CECR2: variants seen among roughly 807,000 people sequenced by gnomAD.
CECR2 encodes the protein CECR2 histone acetyl-lysine reader, also known as chromatin remodeling regulator CECR2.
A neutral mutation model predicts 154.5 loss-of-function variants in CECR2; 30 were observed. The observed-to-expected ratio is 0.19, with a 90% CI of 0.15 to 0.26. The LOEUF (loss-of-function observed/expected upper bound fraction) is 0.26, where lower values mean the gene tolerates loss of function less well. CECR2 is among the 10% of genes least tolerant of loss of function. The pLI, the probability that CECR2 is intolerant of heterozygous loss-of-function variation, is 1.00. For missense variants in CECR2, 1,743 were observed against 1,829.3 expected (o/e 0.95, Z 0.86); for synonymous variants, 725 against 683.7 (o/e 1.06, Z -0.94).
intron 8 of CECR2, among the ~76,000 whole-genome samples, chr22:17,521,948 C>A (rs561408330): frequency 1.3e-5 from 2 of 152,238 alleles, no homozygotes; most frequent in South Asian, 4.1e-4. Flanking sequence ...AGGAAGGGAT[C>A]CAGTTTCAGC....
intron 1 of CECR2, among the ~76,000 whole-genome samples, chr22:17,387,653 C>A (rs1338532120): frequency 6.6e-6 from 1 of 152,178 alleles, no homozygotes; most frequent in Non-Finnish European, 1.5e-5. Flanking sequence ...CTTGTAAACA[C>A]AAGATCGTAC....
At chr22:17,424,902 A>C (rs777602015) in intron 1 of CECR2, 1 of 152,210 alleles carries the variant, frequency 6.6e-6, no homozygotes, top group Non-Finnish European at 1.5e-5. Flanking sequence ...AATGTAAGAA[A>C]TATTGATTGC....
intron 1 of CECR2, among the ~76,000 whole-genome samples, chr22:17,426,889 A>C (rs1435180326): frequency 1.3e-5 from 2 of 151,906 alleles, no homozygotes; most frequent in Non-Finnish European, 2.9e-5. Flanking sequence ...ATTATACTTT[A>C]AGTTCTAGGG....
At chr22:17,510,223 T>G (rs1392952786) in intron 7 of CECR2, among the ~76,000 whole-genome samples, 1 of 152,224 alleles carries the variant, frequency 6.6e-6, no homozygotes, top group Non-Finnish European at 1.5e-5. Context: ...AAGCTGGCAT[T>G]GTCATTTTTG....
chr22:17,507,851 A>G (rs1260194354), intron 7 of CECR2, among the ~76,000 whole-genome samples: 1 of 152,230 alleles, frequency 6.6e-6, no homozygotes, highest in Non-Finnish European at 1.5e-5. Context: ...ATAGTATAGT[A>G]AGAAAAATCT....
intron 1 of CECR2, among the ~76,000 whole-genome samples, chr22:17,418,098 A>AC (rs1313226522): frequency 1.3e-5 from 2 of 151,994 alleles, no homozygotes; most frequent in African/African-American, 4.8e-5. Context: ...TATAACCACC[A>AC]CCCCCCAAAA....
chr22:17,495,013 G>C (rs893401319), intron 2 of CECR2, among the ~76,000 whole-genome samples: 1 of 152,052 alleles, frequency 6.6e-6, no homozygotes, highest in African/African-American at 2.4e-5. Context: ...TTTCTTATTT[G>C]CCTAAGCCTT....
rs2056206190 is a variant in CECR2 at position 17,524,010 on chromosome 22, C to T, written c.955-108C>T. 7.2e-6 allele frequency: 6 copies of T among 838,120 alleles called. No homozygotes were observed. In the East Asian group the frequency reaches 8.0e-5, roughly 11 times the overall value. 51.9% of individuals were successfully genotyped at this position (838,120 alleles called of 1,614,324 possible). A position where few individuals can be genotyped will look rare whatever the true frequency, so the allele number is the denominator to read the frequency against. ...AAATCAGCTTTTCGTGATATAAAGT[C>T]CCTAGCTAATATTATTTGTTGAAAA... On this transcript the variant is annotated intron_variant, in intron 8 of 18. Transcript: ENST00000262608.
chr22:17,525,285 C>CAAAAAAAAAAAAAGAAAAAAAAA (rs1569142080), intron 9 of CECR2, among the ~76,000 whole-genome samples: 1 of 32,322 alleles, frequency 3.1e-5, no homozygotes, highest in African/African-American at 1.2e-4. Context: ...AACTCCATCT[C>CAAAAAAAAAAAAAGAAAAAAAAA]CAAAAAAAAA....
chr22:17,374,316 C>T (rs16982335), intron 1 of CECR2, among the ~76,000 whole-genome samples: 15,850 of 152,162 alleles, frequency 0.1, 1,119 homozygotes, highest in African/African-American at 0.2. Context: ...TTCTTGAATT[C>T]CACCCTTGGT....
intron 1 of CECR2, among the ~76,000 whole-genome samples, chr22:17,414,911 T>G (rs2146581509): frequency 1.3e-5 from 2 of 152,344 alleles, no homozygotes; most frequent in East Asian, 3.9e-4. Flanking sequence ...GCTTACATGT[T>G]TAAGGCATCT....
rs146638523 is a variant in CECR2, at chr22:17,395,048, T to C, written c.126+25139T>C. ...CATGGATCCTTGTACCTACCATCAA[T>C]CAAGATACAGAGCATTTGTATCTAA... On this transcript the variant is annotated intron_variant, in intron 1 of 18. Coordinates refer to ENST00000262608, the MANE Select transcript of CECR2 (RefSeq NM_001290047.2). Among the ~76,000 whole-genome samples, 46 of 152,348 alleles carry C rather than the reference T, an allele frequency of 3.0e-4. No homozygotes were observed. In the East Asian group the frequency reaches 8.5e-3, roughly 28 times the overall value.
intron 1 of CECR2, among the ~76,000 whole-genome samples, chr22:17,385,741 G>A (rs1051713128): frequency 3.3e-5 from 5 of 152,168 alleles, no homozygotes; most frequent in African/African-American, 4.8e-5. Flanking sequence ...GGGTCGGCAC[G>A]AAATCTTCAG....
At chr22:17,525,442 G>T (rs941321073) in intron 9 of CECR2, among the ~76,000 whole-genome samples, 7 of 151,806 alleles carry the variant, frequency 4.6e-5, no homozygotes, top group African/African-American at 1.7e-4. Flanking sequence ...AGGAGTTTGA[G>T]ACAGCCTGGC....
upstream of CECR2, among the ~76,000 whole-genome samples, chr22:17,367,514 T>A (rs552707043): frequency 2.6e-5 from 4 of 152,058 alleles, no homozygotes; most frequent in African/African-American, 9.6e-5. Context: ...GTCTCCCGAG[T>A]AGCTGGGACT....
At chr22:17,371,275 G>A (rs1030479571) in intron 1 of CECR2, among the ~76,000 whole-genome samples, 1 of 152,170 alleles carries the variant, frequency 6.6e-6, no homozygotes, top group Non-Finnish European at 1.5e-5. Flanking sequence ...TAGACAGATA[G>A]TCTAGGGCCA....
intron 1 of CECR2, among the ~76,000 whole-genome samples, chr22:17,403,325 A>G (rs1455896013): frequency 6.6e-6 from 1 of 152,042 alleles, no homozygotes; most frequent in East Asian, 1.9e-4. Flanking sequence ...TCACCAGATG[A>G]TGTATTGTTT....
chr22:17,504,278 G>C (rs2055793867), intron 6 of CECR2, among the ~76,000 whole-genome samples: 1 of 151,748 alleles, frequency 6.6e-6, no homozygotes, highest in South Asian at 2.1e-4. Flanking sequence ...GGGGTGCTGA[G>C]ATGGGAAGAT....
chr22:17,364,002 A>G (rs1327155279), intron 1 of CECR2, among the ~76,000 whole-genome samples: 1 of 152,060 alleles, frequency 6.6e-6, no homozygotes, highest in Non-Finnish European at 1.5e-5. Context: ...TATGGAATGC[A>G]GCTCCTTAAT....
Sources: gnomAD v4.1 joint callset for allele counts (sites outside exome capture counted in the v4.1 genomes callset) on GRCh38, gnomAD v4.1.1 for gene constraint, MANE v1.5 for transcripts, NCBI Gene and HGNC (gene_info 2026-07-23, HGNC 2026-07-21) for gene names.